Variants in ISG20 observed in about 807,000 individuals in gnomAD.
The protein encoded by ISG20 is interferon-stimulated gene 20 kDa protein.
ISG20 carries 8 observed loss-of-function variants against 11.1 expected under a neutral mutation model. The ratio of observed to expected loss-of-function variants is 0.72; its 90% CI spans 0.42 to 1.30. The LOEUF is 1.30. ISG20 is among the 50% of genes most tolerant of loss of function. The pLI is 0.01. For missense variants in ISG20, 243 were observed against 250.2 expected (o/e 0.97, Z 0.19); for synonymous variants, 110 against 101.7 (o/e 1.08, Z -0.49).
In ISG20 at chr15:88,639,511, A is replaced by G. The variant is rs201149472; in HGVS notation, c.145A>G (p.Ile49Val). Residue 49 changes from isoleucine (I) to valine (V), a missense_variant, in exon 2 of 4, where the codon ATC becomes GTC. Physicochemically the swap from Ile to Val is conservative, Grantham distance 29. Transcript: ENST00000306072. This position sits in a 1 kb window ranked among gnomAD's most constrained non-coding sequence, Gnocchi z 4.2. The stretch of plus-strand genomic sequence containing the variant: ...CAAGTTCATCCGGCCTGAGGGAGAG[A>G]TCACCGATTACAGAACCCGGGTCAG... ...YDKFIRPEGE[I>V]TDYRTRVSGV... 1.1e-5 allele frequency: 18 copies of G among 1,614,064 alleles called. No individual in the cohort carries two copies. The highest frequency in any genetic ancestry group is 1.5e-5 in the Non-Finnish European group (18 of 1,180,000).
intron 2 of ISG20, among the ~76,000 whole-genome samples, chr15:88,646,569 T>C (rs552510178): frequency 6.6e-6 from 1 of 152,338 alleles, no homozygotes; most frequent in South Asian, 2.1e-4. Context: ...TGTCAATTTG[T>C]TGGAGGCTCC....
chr15:88,636,726 A>G (rs943128479), upstream of ISG20, among the ~76,000 whole-genome samples: 1 of 152,104 alleles, frequency 6.6e-6, no homozygotes, highest in Non-Finnish European at 1.5e-5. Flanking sequence ...TAGAGATGAG[A>G]TCTCCCTGTG....
chr15:88,641,208 C>T (rs2058075388), intron 2 of ISG20, among the ~76,000 whole-genome samples: 1 of 152,124 alleles, frequency 6.6e-6, no homozygotes, highest in South Asian at 2.1e-4. Flanking sequence ...GTTGGCCAGG[C>T]TGGTCTCGCT....
chr15:88,654,386 C>A (rs2058340303), intron 3 of ISG20, among the ~76,000 whole-genome samples: 1 of 152,186 alleles, frequency 6.6e-6, no homozygotes, highest in African/African-American at 2.4e-5. Context: ...ATAACGGCAA[C>A]AAGAAAAAGC....
At chr15:88,651,053 G>A (rs367759480) in intron 2 of ISG20, 24 of 260,248 alleles carry the variant, frequency 9.2e-5, no homozygotes, top group East Asian at 1.8e-4. Flanking sequence ...GTGAGACACC[G>A]TGCCTGGCTG....
At chr15:88,638,566 C>T (rs1463896185), upstream of ISG20, among the ~76,000 whole-genome samples, 3 of 152,224 alleles carry the variant, frequency 2.0e-5, no homozygotes, top group African/African-American at 4.8e-5. Flanking sequence ...GTTTCTCCTG[C>T]CCATTCCAAT....
Position 88,650,095 on chromosome 15 carries a change from C to G in ISG20, c.229-2015C>G. 2 of 699,590 alleles carry G rather than the reference C, an allele frequency of 2.9e-6. No homozygotes were observed. Among genetic ancestry groups the G allele is most frequent in the East Asian group, 2.8e-5 (1 of 36,100 alleles). 43.3% of individuals were successfully genotyped at this position (699,590 alleles called of 1,614,324 possible). On this transcript the variant is annotated intron_variant, in intron 2 of 3. Transcript: ENST00000306072. The surrounding 1 kb of genome is among the most constrained non-coding windows in gnomAD (Gnocchi z 4.0). The stretch of plus-strand genomic sequence containing the variant: ...GGAAGGTGTTAGGCACCAGAAGGCT[C>G]TTTCCTGGTGTACAGGCTAAGGTCG...
intron 2 of ISG20, among the ~76,000 whole-genome samples, chr15:88,645,019 T>C (rs2058147289): frequency 6.6e-6 from 1 of 152,220 alleles, no homozygotes; most frequent in Non-Finnish European, 1.5e-5. Context: ...GAAATGCTTT[T>C]GTTTCTCAGT....
Position 88,650,498 on chromosome 15 carries a change from G to A in ISG20, c.229-1612G>A. 7.2e-7 allele frequency: 1 copy of A among 1,396,292 alleles called. No homozygotes were observed. Among genetic ancestry groups the A allele is most frequent in the Non-Finnish European group, 9.4e-7 (1 of 1,067,786 alleles). 86.5% of individuals were successfully genotyped at this position (1,396,292 alleles called of 1,614,324 possible). A position where few individuals can be genotyped will look rare whatever the true frequency, so the allele number is the denominator to read the frequency against. On this transcript the variant is annotated intron_variant, in intron 2 of 3. Coordinates refer to ENST00000306072, the MANE Select transcript of ISG20 (RefSeq NM_002201.6). This position sits in a 1 kb window ranked among gnomAD's most constrained non-coding sequence, Gnocchi z 4.0. ...ACTAACTAGCCGTGTGACTGTCCCAGTTATCAAATGGTGCTTGGCAAATCA... is the reference window on the plus strand; with the variant it reads ...ACTAACTAGCCGTGTGACTGTCCCAATTATCAAATGGTGCTTGGCAAATCA...
rs1289784095 is a variant in ISG20 at position 88,655,488 on chromosome 15, T to A, written c.503T>A (p.Ile168Asn). ...GAGCTCTATCAAATCTCCCAGAGAA[T>A]CCGAGCCCGCCGAGGGCTGCCCCGC... ...TMELYQISQR[I>N]RARRGLPRLA... The change falls in exon 4 of 4, where the codon ATC becomes AAC. Residue 168 changes from isoleucine to asparagine, a missense_variant. Coordinates refer to ENST00000306072, the MANE Select transcript of ISG20 (RefSeq NM_002201.6). 1 of 1,613,642 alleles carries A rather than the reference T, an allele frequency of 6.2e-7. No homozygotes were observed. Among genetic ancestry groups the A allele is most frequent in the Non-Finnish European group, 8.5e-7 (1 of 1,179,994 alleles).
intron 2 of ISG20, among the ~76,000 whole-genome samples, chr15:88,644,284 A>C (rs934855762): frequency 1.3e-5 from 2 of 152,044 alleles, no homozygotes; most frequent in African/African-American, 2.4e-5. Context: ...CTGTAATCCC[A>C]GCACTTTGGG....
upstream of ISG20, chr15:88,638,682 T>TC (rs2058024179): frequency 6.5e-6 from 1 of 153,580 alleles, no homozygotes; most frequent in African/African-American, 2.4e-5. Context: ...TTCCCTGAGC[T>TC]CCAGTCCTGG....
At chr15:88,655,363 G>A in intron 3 of ISG20, 52 bp from the exon 4 acceptor site, 1 of 1,516,272 alleles carries the variant, frequency 6.6e-7, no homozygotes, top group South Asian at 1.1e-5. Context: ...CTGTCACGGG[G>A]CCTCTGAATT....
intron 2 of ISG20, among the ~76,000 whole-genome samples, chr15:88,640,629 G>A (rs1212944388): frequency 6.6e-6 from 1 of 152,152 alleles, no homozygotes; most frequent in East Asian, 1.9e-4. Context: ...CGAGGATTGA[G>A]AAAGGGTCTA....
chr15:88,644,174 C>A (rs2058128982), intron 2 of ISG20, among the ~76,000 whole-genome samples: 1 of 152,278 alleles, frequency 6.6e-6, no homozygotes, highest in African/African-American at 2.4e-5. Flanking sequence ...AGGATAAAAA[C>A]CAGTTTCAAG....
At chr15:88,640,366 C>T (rs1039951342) in intron 2 of ISG20, among the ~76,000 whole-genome samples, 3 of 152,146 alleles carry the variant, frequency 2.0e-5, no homozygotes, top group Admixed American at 6.5e-5. Context: ...ACAACAATAG[C>T]TACTATTGAC....
Position 88,652,266 on chromosome 15 carries a change from T to TGAGTGAGCA in ISG20, c.385_386insGAGTGAGCA (p.Ser129delinsTer). On this transcript the variant is annotated stop_gained, in exon 3 of 4. Transcript: ENST00000306072. LOFTEE classifies it low-confidence loss of function (END_TRUNC). Reference sequence around the variant, plus strand: ...CAAGCTGGACCACTGCAGGCGTGTCTCCCTGCGGGTGCTGAGTGAGCGCCT... The same window carrying TGAGTGAGCA: ...CAAGCTGGACCACTGCAGGCGTGTCTGAGTGAGCACCCTGCGGGTGCTGAGTGAGCGCCT... The TGAGTGAGCA allele has an allele frequency of 6.2e-7, 1 of 1,613,502 alleles. No individual in the cohort carries two copies. Among genetic ancestry groups the TGAGTGAGCA allele is most frequent in the Non-Finnish European group, 8.5e-7 (1 of 1,179,676 alleles).
intron 2 of ISG20, among the ~76,000 whole-genome samples, chr15:88,641,708 T>C (rs1177323188): frequency 6.6e-6 from 1 of 152,190 alleles, no homozygotes; most frequent in Non-Finnish European, 1.5e-5. Flanking sequence ...CTGGGCTCAC[T>C]GCAACCTCTG....
Position 88,645,891 on chromosome 15 carries a change from T to C in ISG20, c.229-6219T>C, listed in dbSNP as rs2058164313. On this transcript the variant is annotated intron_variant, in intron 2 of 3. Coordinates refer to ENST00000306072, the MANE Select transcript of ISG20 (RefSeq NM_002201.6). ...TATTTCCACAGCTCTTACTATACACTTTATCTGCCCCCAGACTGGAACCTG... is the reference window on the plus strand; with the variant it reads ...TATTTCCACAGCTCTTACTATACACCTTATCTGCCCCCAGACTGGAACCTG... 2.6e-5 allele frequency among the ~76,000 whole-genome samples: 4 copies of C among 152,206 alleles called. No individual in the cohort carries two copies. In the South Asian group the frequency reaches 8.3e-4, roughly 32 times the overall value.
Sources: gnomAD v4.1 joint callset for allele counts (sites outside exome capture counted in the v4.1 genomes callset) on GRCh38, gnomAD v4.1.1 for gene constraint, Gnocchi (gnomAD v3.1) non-coding constraint, MANE v1.5 for transcripts, NCBI Gene and HGNC (gene_info 2026-07-23, HGNC 2026-07-21) for gene names.